The following FOCAD variants were observed in gnomAD, a reference collection of about 807,000 sequenced individuals.
FOCAD encodes the protein focadhesin.
FOCAD carries 198 observed loss-of-function variants against 225.6 expected under a neutral mutation model. That is an observed-to-expected ratio of 0.88 (90% CI 0.78 to 0.99). FOCAD has a LOEUF of 0.99. Among genes scored for constraint, FOCAD ranks in the 50% least tolerant of loss-of-function variants. FOCAD has a pLI of 0.00. For synonymous variants in FOCAD, 897 were observed against 755.0 expected (o/e 1.19, Z -3.08); for missense variants, 2,713 against 2,123.6 (o/e 1.28, Z -5.46).
chr9:20,924,233 T>A (rs894112181), intron 25 of FOCAD, among the ~76,000 whole-genome samples: 2 of 152,258 alleles, frequency 1.3e-5, no homozygotes, highest in African/African-American at 4.8e-5. Flanking sequence ...TGTTCATTTC[T>A]AATGTACTTT....
chr9:20,977,257 A>T (rs1004869626), intron 36 of FOCAD, among the ~76,000 whole-genome samples: 1 of 152,188 alleles, frequency 6.6e-6, no homozygotes, highest in Non-Finnish European at 1.5e-5. Context: ...ATAATCCAGG[A>T]TAATCTCTCC....
chr9:20,960,220 T>C (rs1172203064), intron 35 of FOCAD, among the ~76,000 whole-genome samples: 1 of 152,220 alleles, frequency 6.6e-6, no homozygotes, highest in Non-Finnish European at 1.5e-5. Flanking sequence ...TGCTCTTTAA[T>C]TTGGGTTTGC....
chr9:20,776,795 A>G (rs1174168225), intron 8 of FOCAD, among the ~76,000 whole-genome samples: 2 of 152,058 alleles, frequency 1.3e-5, no homozygotes, highest in Non-Finnish European at 1.5e-5. Flanking sequence ...TTTGTTGTTG[A>G]TCGTTTTGGA....
At chr9:20,902,661 T>C (rs937288300) in intron 21 of FOCAD, among the ~76,000 whole-genome samples, 1 of 151,882 alleles carries the variant, frequency 6.6e-6, no homozygotes, top group Non-Finnish European at 1.5e-5. Context: ...TAGATCATAG[T>C]AATCTAGGCA....
intron 14 of FOCAD, among the ~76,000 whole-genome samples, chr9:20,821,432 C>G (rs1205034871): frequency 2.6e-5 from 4 of 151,944 alleles, no homozygotes; most frequent in Admixed American, 2.0e-4. Context: ...TATATTCTCC[C>G]TTTGTTTAAG....
At chr9:20,699,807 T>C (rs1302527176) in intron 1 of FOCAD, among the ~76,000 whole-genome samples, 4 of 112,738 alleles carry the variant, frequency 3.5e-5, no homozygotes, top group African/African-American at 1.1e-4. Flanking sequence ...TATATATATA[T>C]ATATATATGA....
At chr9:20,982,648 G>T (rs1840803430) in intron 39 of FOCAD, among the ~76,000 whole-genome samples, 1 of 152,164 alleles carries the variant, frequency 6.6e-6, no homozygotes, top group African/African-American at 2.4e-5. Flanking sequence ...TGTATGGATG[G>T]ATAGATGGAT....
intron 22 of FOCAD, among the ~76,000 whole-genome samples, chr9:20,911,105 C>G (rs1234051036): frequency 1.3e-5 from 2 of 152,058 alleles, no homozygotes; most frequent in Admixed American, 6.6e-5. Context: ...ATAACTGAGA[C>G]AGGCAATAAA....
At chr9:20,719,778 C>CTTTTTTTTTTTTT (rs34384301) in intron 3 of FOCAD, among the ~76,000 whole-genome samples, 5 of 62,112 alleles carry the variant, frequency 8.0e-5, no homozygotes, top group African/African-American at 1.3e-4. Context: ...TTTTCCTAGG[C>CTTTTTTTTTTTTT]TTTTTTTTTT....
intron 28 of FOCAD, among the ~76,000 whole-genome samples, chr9:20,939,836 T>C (rs1458042208): frequency 1.3e-5 from 2 of 151,942 alleles, no homozygotes; most frequent in Non-Finnish European, 2.9e-5. Context: ...ATGTGCCATG[T>C]TGGTGTGCTG....
At chr9:20,799,349 G>C (rs1269953254) in intron 11 of FOCAD, among the ~76,000 whole-genome samples, 1 of 152,194 alleles carries the variant, frequency 6.6e-6, no homozygotes, top group Non-Finnish European at 1.5e-5. Context: ...GATTTCTGTA[G>C]ATGTCTATTA....
chr9:20,801,577 A>G (rs1423965678), intron 11 of FOCAD, among the ~76,000 whole-genome samples: 3 of 152,178 alleles, frequency 2.0e-5, no homozygotes, highest in Admixed American at 6.5e-5. Flanking sequence ...GTAAAAAGTC[A>G]TAATAGGGGC....
intron 8 of FOCAD, 72 bp from the exon 9 acceptor site, chr9:20,778,609 T>C (rs1478777795): frequency 2.6e-6 from 2 of 763,628 alleles, no homozygotes; most frequent in East Asian, 2.5e-5. Flanking sequence ...ATATTCTTCC[T>C]GGATACATGT....
intron 6 of FOCAD, among the ~76,000 whole-genome samples, chr9:20,761,698 GTGTGAGCCACCGTGCC>G (rs1000108230): frequency 1.3e-5 from 2 of 152,056 alleles, no homozygotes; most frequent in Admixed American, 6.6e-5. Context: ...GGGATTACAG[GTGTGAGCCACCGTGCC>G]TGGCCCAAGC....
chr9:20,927,634 TTA>T (rs1379185501), intron 26 of FOCAD: 2 of 152,192 alleles, frequency 1.3e-5, no homozygotes, highest in African/African-American at 4.8e-5. Context: ...CCTTTTCCTT[TTA>T]TTGGTCGTAG....
chr9:20,669,941 T>C (rs4357385), intron 2 of FOCAD, among the ~76,000 whole-genome samples: 91,734 of 152,032 alleles, frequency 0.6, 28,203 homozygotes, highest in South Asian at 0.74. Flanking sequence ...TTCTGAGATA[T>C]TTGCAAATGA....
intron 35 of FOCAD, among the ~76,000 whole-genome samples, chr9:20,975,676 G>A (rs557920555): frequency 4.6e-5 from 7 of 152,292 alleles, no homozygotes; most frequent in East Asian, 1.9e-4. Context: ...AAGTAGCAAC[G>A]TGGAAAATTT....
At chr9:20,795,057 G>T (rs535051772) in intron 11 of FOCAD, among the ~76,000 whole-genome samples, 1 of 152,166 alleles carries the variant, frequency 6.6e-6, no homozygotes, top group South Asian at 2.1e-4. Flanking sequence ...TATAAAATAG[G>T]ATAACTCCCT....
intron 27 of FOCAD, among the ~76,000 whole-genome samples, chr9:20,931,113 C>A (rs181128466): frequency 6.6e-6 from 1 of 152,304 alleles, no homozygotes. Context: ...TTTAGGCTGA[C>A]AAGCTTGCAT....
Sources: gnomAD v4.1 joint callset for allele counts (sites outside exome capture counted in the v4.1 genomes callset) on GRCh38, gnomAD v4.1.1 for gene constraint, MANE v1.5 for transcripts, NCBI Gene and HGNC (gene_info 2026-07-23, HGNC 2026-07-21) for gene names.